MAST4: variants seen among roughly 807,000 people sequenced by gnomAD.
The protein encoded by MAST4 is microtubule-associated serine/threonine-protein kinase 4.
Under a neutral mutation model 162.7 loss-of-function variants are expected in MAST4, and 89 were observed. That is an observed-to-expected ratio of 0.55 (90% confidence interval 0.46 to 0.65). The LOEUF (loss-of-function observed/expected upper bound fraction) is 0.65. Among genes scored for constraint, MAST4 ranks in the 30% least tolerant of loss-of-function variants. MAST4 has a pLI of 0.00. For synonymous variants in MAST4, 1,479 were observed against 1,361.1 expected, an observed-to-expected ratio of 1.09 and a Z score of -1.91; for missense variants, 3,153 against 3,374.0, an observed-to-expected ratio of 0.93 and a Z score of 1.62.
intron 4 of MAST4, among the ~76,000 whole-genome samples, chr5:67,032,546 G>T (rs531766894): frequency 1.8e-4 from 28 of 151,992 alleles, no homozygotes; most frequent in Admixed American, 1.8e-3. Context: ...AAATAAGACC[G>T]GTTTTAAACG....
In MAST4 at chr5:67,164,349, C is replaced by G. The variant is rs369435906; in HGVS notation, c.5170C>G (p.Arg1724Gly). The G allele has an allele frequency of 7.0e-5, 113 of 1,613,902 alleles. No individual in the cohort carries two copies. The highest frequency in any genetic ancestry group is 3.3e-4 in the Middle Eastern group (2 of 6,062). ...SHECLPGNPV[R>G]PTGGQQEPPP... ...CGAATGCCTGCCAGGGAACCCAGTC[C>G]GACCCACGGGTGGGCAGCAGGAGCC... Residue 1724 changes from arginine to glycine, a missense_variant, in exon 29 of 29, where the codon CGA becomes GGA. Physicochemically the swap from Arg to Gly is moderately radical, Grantham distance 125 (BLOSUM62 -2). Around this residue, in one of 7 missense-constraint regions of MAST4, gnomAD observed 1,644 missense variants for 1,495.0 expected, o/e 1.10. Coordinates refer to ENST00000403625, the MANE Select transcript of MAST4 (RefSeq NM_001164664.2). The surrounding 1 kb of genome is among the most constrained non-coding windows in gnomAD (Gnocchi z 5.3).
intron 4 of MAST4, among the ~76,000 whole-genome samples, chr5:66,911,571 C>G (rs906360752): frequency 1.1e-4 from 9 of 84,820 alleles, no homozygotes; most frequent in African/African-American, 3.8e-4. Flanking sequence ...CCCCCCCCCC[C>G]CCCCGCAAAA....
intron 4 of MAST4, among the ~76,000 whole-genome samples, chr5:66,947,010 T>C (rs1269452410): frequency 6.6e-6 from 1 of 152,126 alleles, no homozygotes; most frequent in Non-Finnish European, 1.5e-5. Context: ...GAGATGTAAA[T>C]AAAATGAATG....
chr5:66,624,146 G>GTTTTTTTTTTTTTTTTTTT (rs200030700), intron 1 of MAST4, among the ~76,000 whole-genome samples: 1 of 90,126 alleles, frequency 1.1e-5, no homozygotes, highest in African/African-American at 4.6e-5. Context: ...TTGTTAAAAT[G>GTTTTTTTTTTTTTTTTTTT]TTTTTTTTTT....
intron 4 of MAST4, among the ~76,000 whole-genome samples, chr5:66,929,554 T>C (rs1428905493): frequency 6.6e-6 from 1 of 152,176 alleles, no homozygotes; most frequent in African/African-American, 2.4e-5. Flanking sequence ...TACTTCCCCT[T>C]TGCTTTAATG....
chr5:66,893,421 T>G (rs931581273), intron 3 of MAST4, among the ~76,000 whole-genome samples: 1 of 151,358 alleles, frequency 6.6e-6, no homozygotes, highest in Admixed American at 6.6e-5. Context: ...TAGAGACGGG[T>G]TTCACCGTTT....
intron 3 of MAST4, among the ~76,000 whole-genome samples, chr5:66,829,526 A>C (rs1218644494): frequency 2.0e-5 from 3 of 152,202 alleles, no homozygotes; most frequent in African/African-American, 7.2e-5. Context: ...AACTTGGAAA[A>C]AACAACAACA....
chr5:66,936,348 A>G (rs1264406525), intron 4 of MAST4, among the ~76,000 whole-genome samples: 1 of 152,214 alleles, frequency 6.6e-6, no homozygotes, highest in African/African-American at 2.4e-5. Context: ...TCATAATGGC[A>G]TGCTTATCAT....
At chr5:67,004,263 T>TG (rs1751675607) in intron 4 of MAST4, among the ~76,000 whole-genome samples, 1 of 150,054 alleles carries the variant, frequency 6.7e-6, no homozygotes, top group Non-Finnish European at 1.5e-5. Context: ...CCGGGGCTGG[T>TG]GGGGGGTGGG....
intron 4 of MAST4, chr5:66,902,721 G>GT (rs2149985966): frequency 2.1e-6 from 1 of 469,994 alleles, no homozygotes; most frequent in African/African-American, 2.0e-5. Flanking sequence ...GCAAGATGCT[G>GT]TTATGAGATT....
chr5:66,937,492 C>T (rs1315716517), intron 4 of MAST4, among the ~76,000 whole-genome samples: 1 of 152,162 alleles, frequency 6.6e-6, no homozygotes, highest in Non-Finnish European at 1.5e-5. Context: ...TTGCTAACCA[C>T]TTTCTCCTCC....
intron 5 of MAST4, among the ~76,000 whole-genome samples, chr5:67,081,055 T>TTATATAATATAATATATAATTGTA (rs1454867455): frequency 7.9e-6 from 1 of 125,806 alleles, no homozygotes; most frequent in Admixed American, 8.6e-5. Flanking sequence ...ATTGTATATA[T>TTATATAATATAATATATAATTGTA]TATATAATAT....
chr5:67,148,915 G>T (rs1261668198), intron 23 of MAST4, among the ~76,000 whole-genome samples: 1 of 152,104 alleles, frequency 6.6e-6, no homozygotes, highest in African/African-American at 2.4e-5. Context: ...ATGTCCACAG[G>T]TCAAAATTAT....
intron 1 of MAST4, among the ~76,000 whole-genome samples, chr5:66,621,764 G>A (rs979214446): frequency 6.6e-6 from 1 of 152,156 alleles, no homozygotes; most frequent in Non-Finnish European, 1.5e-5. Context: ...AACAAAGCAA[G>A]CAAAAGTCCC....
chr5:66,814,352 G>A (rs1439300840), intron 3 of MAST4, among the ~76,000 whole-genome samples: 1 of 152,132 alleles, frequency 6.6e-6, no homozygotes, highest in African/African-American at 2.4e-5. Flanking sequence ...CCTCGGGCAA[G>A]CATTTTCCTG....
intron 27 of MAST4, 48 bp downstream of exon 27, chr5:67,160,640 G>A (rs1462063190): frequency 2.6e-6 from 4 of 1,566,292 alleles, no homozygotes; most frequent in East Asian, 2.3e-5. Context: ...ACCTATGTTG[G>A]GGAAAAGTTA....
chr5:67,040,368 G>T lies in MAST4; in HGVS notation c.675-14036G>T, dbSNP rs531581724. ...TTTGGGCAGGCATAAGGAAGGAAGT[G>T]CCTGGTTGACCTGGGTAATTCATAT... On this transcript the variant is annotated intron_variant, in intron 4 of 28. Transcript: ENST00000403625. Among the ~76,000 whole-genome samples the T allele has an allele frequency of 4.4e-4, 67 of 152,302 alleles. No individual in the cohort carries two copies. In the South Asian group the frequency reaches 0.013, roughly 31 times the overall value.
intron 1 of MAST4, among the ~76,000 whole-genome samples, chr5:66,624,885 G>A (rs998617893): frequency 6.6e-6 from 1 of 152,204 alleles, no homozygotes; most frequent in African/African-American, 2.4e-5. Context: ...TTTAACATAA[G>A]ACTTGCAATT....
intron 5 of MAST4, among the ~76,000 whole-genome samples, chr5:67,080,373 C>T (rs184754196): frequency 5.3e-5 from 8 of 152,096 alleles, no homozygotes; most frequent in Non-Finnish European, 7.4e-5. Context: ...CATCTCAGTT[C>T]GTCCCAGAAT....
Sources: allele counts gnomAD v4.1 joint callset (sites outside exome capture counted in the v4.1 genomes callset), GRCh38; gene constraint gnomAD v4.1.1; regional missense constraint gnomAD v4.1.1; non-coding constraint Gnocchi (gnomAD v3.1); transcripts MANE v1.5; gene names NCBI Gene and HGNC (gene_info 2026-07-23, HGNC 2026-07-21).